The following PAAF1 variants were observed in gnomAD, a reference collection of about 807,000 sequenced individuals.
The protein encoded by PAAF1 is proteasomal ATPase associated factor 1.
PAAF1 carries 46 observed loss-of-function variants against 52.8 expected under a neutral mutation model. The observed-to-expected ratio is 0.87, with a 90% CI of 0.69 to 1.11. The LOEUF is 1.11. PAAF1 is among the 50% of genes most tolerant of loss of function. The pLI, the probability that PAAF1 is intolerant of heterozygous loss-of-function variation, is 0.00. For missense variants in PAAF1, 424 were observed against 477.4 expected (o/e 0.89, Z 1.04); for synonymous variants, 178 against 172.8 (o/e 1.03, Z -0.24).
intron 6 of PAAF1, among the ~76,000 whole-genome samples, chr11:73,901,771 T>C (rs762431495): frequency 2.0e-5 from 3 of 152,112 alleles, no homozygotes; most frequent in Non-Finnish European, 4.4e-5. Context: ...GGTTTCACCA[T>C]ATTGGTCAGG....
chr11:73,883,930 T>C (rs1948986653), intron 2 of PAAF1, among the ~76,000 whole-genome samples: 1 of 152,204 alleles, frequency 6.6e-6, no homozygotes, highest in Non-Finnish European at 1.5e-5. Context: ...CACATATTTC[T>C]AGTTTTTGGC....
intron 2 of PAAF1, among the ~76,000 whole-genome samples, chr11:73,885,020 C>T (rs1398107623): frequency 3.3e-5 from 5 of 151,508 alleles, no homozygotes; most frequent in Non-Finnish European, 7.4e-5. Context: ...CCACTACGCC[C>T]GGCTAATTTT....
chr11:73,909,636 C>A, intron 7 of PAAF1, 43 bp downstream of exon 7: 2 of 1,568,374 alleles, frequency 1.3e-6, no homozygotes, highest in Non-Finnish European at 8.8e-7. Flanking sequence ...TTTTCTTAGG[C>A]CCCCTTCAGT....
At chr11:73,878,650 G>C (rs1301509174) in intron 1 of PAAF1, 129 bp from the exon 2 acceptor site, 6 of 678,968 alleles carry the variant, frequency 8.8e-6, no homozygotes, top group African/African-American at 5.4e-5. Context: ...CTCGATGAGA[G>C]GTTGGACTAT....
intron 4 of PAAF1, 26 bp from the exon 5 acceptor site, chr11:73,899,120 A>G (rs569712544): frequency 1.6e-5 from 25 of 1,550,828 alleles, no homozygotes; most frequent in Non-Finnish European, 2.1e-5. Flanking sequence ...TATTTCTAAC[A>G]CATTGTTTGT....
At chr11:73,890,626 T>TAAC (rs2135145401) in intron 3 of PAAF1, among the ~76,000 whole-genome samples, 1 of 152,370 alleles carries the variant, frequency 6.6e-6, no homozygotes, top group Admixed American at 6.5e-5. Context: ...GTCAGTAGTC[T>TAAC]AACATTCTCT....
rs1950423151 is a variant in PAAF1 at position 73,929,213 on chromosome 11, A to G, written c.*1851A>G. 6.7e-6 allele frequency: 1 copy of G among 149,984 alleles called. No individual in the cohort carries two copies. Among genetic ancestry groups the G allele is most frequent in the Non-Finnish European group, 1.5e-5 (1 of 67,650 alleles). 9.3% of individuals were successfully genotyped at this position (149,984 alleles called of 1,614,324 possible). A position where few individuals can be genotyped will look rare whatever the true frequency, so the allele number is the denominator to read the frequency against. ...GGGTGCACACCACCACACTCGGCTA[A>G]TTTTTTAAATTTTTTGTAGAGACAG... is the stretch of plus-strand genomic sequence containing the variant. On this transcript the variant is annotated 3_prime_UTR_variant, in exon 12 of 12. Coordinates refer to ENST00000310571, the MANE Select transcript of PAAF1 (RefSeq NM_025155.3).
intron 4 of PAAF1, among the ~76,000 whole-genome samples, chr11:73,896,470 G>A (rs1949369240): frequency 6.6e-6 from 1 of 150,554 alleles, no homozygotes; most frequent in Non-Finnish European, 1.5e-5. Context: ...TGTGTCCCTG[G>A]GTACTTGAGA....
At chr11:73,876,992 AAG>A (rs995912731), upstream of PAAF1, 24 of 1,516,722 alleles carry the variant, frequency 1.6e-5, no homozygotes, top group Non-Finnish European at 2.1e-5. Context: ...GAAGGGGCGG[AAG>A]AGGTGGGCTG....
intron 2 of PAAF1, among the ~76,000 whole-genome samples, chr11:73,881,209 A>G (rs1425059118): frequency 6.6e-6 from 1 of 152,184 alleles, no homozygotes; most frequent in East Asian, 1.9e-4. Flanking sequence ...AAGCAATCTA[A>G]GAGCAAAACA....
At chr11:73,882,969 G>A (rs1948959531) in intron 2 of PAAF1, among the ~76,000 whole-genome samples, 1 of 151,964 alleles carries the variant, frequency 6.6e-6, no homozygotes, top group African/African-American at 2.4e-5. Context: ...GCATGATTAT[G>A]GCTTACTGCA....
At chr11:73,898,423 C>T (rs1339027249) in intron 4 of PAAF1, among the ~76,000 whole-genome samples, 1 of 151,656 alleles carries the variant, frequency 6.6e-6, no homozygotes, top group African/African-American at 2.4e-5. Context: ...ATTATATTGC[C>T]CAGGCTGGTC....
chr11:73,926,157 A>C (rs1950350224), intron 11 of PAAF1, among the ~76,000 whole-genome samples: 1 of 151,244 alleles, frequency 6.6e-6, no homozygotes, highest in Admixed American at 6.6e-5. Context: ...CCCAGGCTGG[A>C]GTGCAATGGC....
intron 6 of PAAF1, among the ~76,000 whole-genome samples, chr11:73,901,724 C>T (rs183962927): frequency 3.3e-5 from 5 of 152,172 alleles, no homozygotes; most frequent in Admixed American, 2.6e-4. Context: ...GTACACGCCC[C>T]ACACCTGGCT....
chr11:73,902,009 G>A (rs571927826), intron 6 of PAAF1, among the ~76,000 whole-genome samples: 9 of 151,684 alleles, frequency 5.9e-5, no homozygotes, highest in East Asian at 1.9e-4. Context: ...GATCACAGGC[G>A]TGCACCACCA....
intron 4 of PAAF1, among the ~76,000 whole-genome samples, chr11:73,897,107 C>T (rs2135163517): frequency 6.9e-6 from 1 of 143,930 alleles, no homozygotes; most frequent in South Asian, 2.3e-4. Flanking sequence ...GGCAGAGTGG[C>T]TCCTCACTTC....
chr11:73,901,535 G>T (rs905320122), intron 6 of PAAF1, among the ~76,000 whole-genome samples: 3 of 151,810 alleles, frequency 2.0e-5, no homozygotes, highest in Non-Finnish European at 4.4e-5. Context: ...CTCTACTTCT[G>T]GGATTTTTAA....
chr11:73,916,045 G>A (rs1950053645), intron 8 of PAAF1, among the ~76,000 whole-genome samples: 1 of 152,140 alleles, frequency 6.6e-6, no homozygotes, highest in Non-Finnish European at 1.5e-5. Flanking sequence ...CTAACAGTAA[G>A]GAGAAAATAA....
chr11:73,911,787 C>T (rs1435957076), intron 7 of PAAF1, among the ~76,000 whole-genome samples: 2 of 151,934 alleles, frequency 1.3e-5, no homozygotes, highest in South Asian at 2.1e-4. Flanking sequence ...GTGCCCACCA[C>T]CATGCCTGGC....
Sources: gnomAD v4.1 joint callset for allele counts (sites outside exome capture counted in the v4.1 genomes callset) on GRCh38, gnomAD v4.1.1 for gene constraint, MANE v1.5 for transcripts, NCBI Gene and HGNC (gene_info 2026-07-23, HGNC 2026-07-21) for gene names.